Variants in OR2L13 observed in about 807,000 individuals in gnomAD.
The protein encoded by OR2L13 is olfactory receptor family 2 subfamily L member 13, also known as olfactory receptor 2L13.
A neutral mutation model predicts 15.3 loss-of-function variants in OR2L13; 14 were observed. The observed-to-expected ratio is 0.91, with a 90% confidence interval of 0.60 to 1.43. OR2L13 has a LOEUF of 1.43. Among genes scored for constraint, OR2L13 ranks in the 40% most tolerant of loss-of-function variants. The pLI is 0.00. For missense variants in OR2L13, 367 were observed against 387.9 expected (o/e 0.95, Z 0.45); for synonymous variants, 152 against 142.9 (o/e 1.06, Z -0.45).
At chr1:248,044,809 C>CAAAA in the OR2L13 span, among the ~76,000 whole-genome samples, 7 of 8,122 alleles carry the variant, frequency 8.6e-4, no homozygotes, top group African/African-American at 2.7e-3. Context: ...AACTCCGTCT[C>CAAAA]AAAAAAAAAA....
chr1:248,015,360 A>G, the OR2L13 span, among the ~76,000 whole-genome samples: 1 of 152,078 alleles, frequency 6.6e-6, no homozygotes, highest in African/African-American at 2.4e-5. Context: ...GTCCTTGCCT[A>G]TACTCCGGAG....
At chr1:247,973,734 T>C in the OR2L13 span, among the ~76,000 whole-genome samples, 1 of 152,138 alleles carries the variant, frequency 6.6e-6, no homozygotes, top group Non-Finnish European at 1.5e-5. Context: ...TAAGATATCT[T>C]CTCATGCCAG....
At chr1:247,954,409 T>A in the OR2L13 span, among the ~76,000 whole-genome samples, 2 of 152,170 alleles carry the variant, frequency 1.3e-5, no homozygotes, top group Non-Finnish European at 2.9e-5. Context: ...TGGGACTTAA[T>A]CTCTGCTATT....
chr1:248,071,725 AC>A, the OR2L13 span, among the ~76,000 whole-genome samples: 2 of 150,032 alleles, frequency 1.3e-5, no homozygotes, highest in African/African-American at 4.9e-5. Context: ...TATCTAGAAA[AC>A]CCCATTGTCT....
chr1:247,946,108 T>C, the OR2L13 span, among the ~76,000 whole-genome samples: 1 of 152,208 alleles, frequency 6.6e-6, no homozygotes, highest in Non-Finnish European at 1.5e-5. Flanking sequence ...CATTTCTTTT[T>C]GATACTATTG....
At chr1:248,067,758 A>G in the OR2L13 span, among the ~76,000 whole-genome samples, 6 of 152,236 alleles carry the variant, frequency 3.9e-5, no homozygotes, top group South Asian at 4.1e-4. Flanking sequence ...AAGGGGTGAC[A>G]GACGGCACCT....
chr1:248,093,615 A>G (rs182268812), upstream of OR2L13, among the ~76,000 whole-genome samples: 1 of 152,322 alleles, frequency 6.6e-6, no homozygotes, highest in African/African-American at 2.4e-5. Context: ...TCGTATTTGC[A>G]TCCAGTATTT....
the OR2L13 span, among the ~76,000 whole-genome samples, chr1:247,984,471 G>T: frequency 6.6e-6 from 1 of 152,020 alleles, no homozygotes; most frequent in African/African-American, 2.4e-5. Context: ...TATTCTACTT[G>T]CCAATAACTA....
At chr1:248,037,068 T>C in the OR2L13 span, among the ~76,000 whole-genome samples, 2 of 152,084 alleles carry the variant, frequency 1.3e-5, no homozygotes, top group Non-Finnish European at 2.9e-5. Flanking sequence ...AACTTGAGAA[T>C]TCAGAAATTG....
chr1:247,937,185 G>A, the OR2L13 span: 1 of 153,268 alleles, frequency 6.5e-6, no homozygotes, highest in Non-Finnish European at 1.5e-5. Flanking sequence ...TCACTCGCTG[G>A]GGCTGCCGGA....
At chr1:247,975,082 G>C in the OR2L13 span, 1 of 331,134 alleles carries the variant, frequency 3.0e-6, no homozygotes, top group Non-Finnish European at 6.0e-6. Context: ...TGCTGCCACT[G>C]ACATCAATGG....
the OR2L13 span, among the ~76,000 whole-genome samples, chr1:247,959,955 C>T: frequency 5.9e-5 from 9 of 152,224 alleles, no homozygotes; most frequent in African/African-American, 2.2e-4. Context: ...CAGTCATTCT[C>T]CGTCCAGCTT....
At chr1:248,045,531 T>A in the OR2L13 span, among the ~76,000 whole-genome samples, 14 of 152,308 alleles carry the variant, frequency 9.2e-5, no homozygotes, top group African/African-American at 3.4e-4. Context: ...TATCTCCTCT[T>A]TCAGCGCAAA....
At chr1:247,985,138 C>T in the OR2L13 span, among the ~76,000 whole-genome samples, 1 of 151,952 alleles carries the variant, frequency 6.6e-6, no homozygotes. Flanking sequence ...TTCTAGGGTA[C>T]ATGTGCACAA....
the OR2L13 span, among the ~76,000 whole-genome samples, chr1:248,017,838 C>T: frequency 6.6e-6 from 1 of 152,152 alleles, no homozygotes; most frequent in Non-Finnish European, 1.5e-5. Flanking sequence ...GTCATACAAA[C>T]TTGCCTTGTA....
At chr1:247,969,195 T>G in the OR2L13 span, among the ~76,000 whole-genome samples, 29 of 152,294 alleles carry the variant, frequency 1.9e-4, no homozygotes, top group African/African-American at 6.7e-4. Context: ...TGGGGTTGTT[T>G]GTTTTTTTCT....
chr1:247,969,302 C>T, the OR2L13 span, among the ~76,000 whole-genome samples: 2 of 152,134 alleles, frequency 1.3e-5, no homozygotes, highest in Non-Finnish European at 2.9e-5. Context: ...GTTGCCTGTT[C>T]ACTCTGATGG....
the OR2L13 span, among the ~76,000 whole-genome samples, chr1:248,037,714 A>C: frequency 5.1e-3 from 777 of 152,334 alleles, 6 homozygotes; most frequent in African/African-American, 0.017. Context: ...TTGGCTTACT[A>C]TTCTATAAGT....
the OR2L13 span, among the ~76,000 whole-genome samples, chr1:248,068,059 TG>T: frequency 6.6e-6 from 1 of 151,564 alleles, no homozygotes; most frequent in Non-Finnish European, 1.5e-5. Context: ...GCTCCACCTC[TG>T]GGGGCAGGGC....
Sources: gnomAD v4.1 joint callset for allele counts (sites outside exome capture counted in the v4.1 genomes callset) on GRCh38, gnomAD v4.1.1 for gene constraint, MANE v1.5 for transcripts, NCBI Gene and HGNC (gene_info 2026-07-23, HGNC 2026-07-21) for gene names.